SP4: variants seen among roughly 807,000 people sequenced by gnomAD.
The protein encoded by SP4 is Sp4 transcription factor.
In SP4, 19 loss-of-function variants were observed where a neutral mutation model predicts 72.8. That is an observed-to-expected ratio of 0.26 (90% CI 0.18 to 0.38). The LOEUF (loss-of-function observed/expected upper bound fraction) is 0.38, where lower values mean the gene tolerates loss of function less well. Among genes scored for constraint, SP4 ranks in the 10% least tolerant of loss-of-function variants. SP4 has a pLI of 1.00. For missense variants in SP4, 1,008 were observed against 926.3 expected (o/e 1.09, Z -1.14); for synonymous variants, 395 against 333.1 (o/e 1.19, Z -2.02).
intron 3 of SP4, among the ~76,000 whole-genome samples, chr7:21,456,518 C>T (rs1783769304): frequency 1.3e-5 from 2 of 152,184 alleles, no homozygotes; most frequent in Admixed American, 1.3e-4. Context: ...GCCAAGCACA[C>T]AGCAAGAGCT....
At chr7:21,496,403 C>T (rs945409653) in intron 5 of SP4, among the ~76,000 whole-genome samples, 3 of 152,166 alleles carry the variant, frequency 2.0e-5, no homozygotes, top group Non-Finnish European at 4.4e-5. Context: ...CAGGCAAACA[C>T]TTCTGTTAAC....
At chr7:21,468,429 C>A (rs763042372) in intron 3 of SP4, among the ~76,000 whole-genome samples, 13 of 151,910 alleles carry the variant, frequency 8.6e-5, no homozygotes, top group Non-Finnish European at 1.6e-4. Flanking sequence ...TGTTTTATAT[C>A]CTTTATTAAA....
At chr7:21,504,963 A>C (rs1177681858) in intron 5 of SP4, among the ~76,000 whole-genome samples, 1 of 152,200 alleles carries the variant, frequency 6.6e-6, no homozygotes, top group Non-Finnish European at 1.5e-5. Flanking sequence ...AGGGTGATCC[A>C]CTGTTACCAA....
intron 3 of SP4, among the ~76,000 whole-genome samples, chr7:21,434,708 G>A (rs953985404): frequency 3.3e-5 from 5 of 152,164 alleles, no homozygotes; most frequent in African/African-American, 7.2e-5. Flanking sequence ...ACCCATCACC[G>A]AAATAGTGAA....
At chr7:21,447,398 G>A (rs1041257572) in intron 3 of SP4, among the ~76,000 whole-genome samples, 2 of 152,110 alleles carry the variant, frequency 1.3e-5, no homozygotes, top group African/African-American at 4.8e-5. Context: ...TTGGACTTCT[G>A]GTTAGTGTGC....
intron 5 of SP4, among the ~76,000 whole-genome samples, chr7:21,505,607 T>A (rs898471330): frequency 6.6e-6 from 1 of 152,212 alleles, no homozygotes; most frequent in Non-Finnish European, 1.5e-5. Context: ...CTAGGGGACA[T>A]GCCCAGAATG....
chr7:21,476,973 A>G (rs1784517312), intron 3 of SP4, 106 bp from the exon 4 acceptor site: 1 of 762,250 alleles, frequency 1.3e-6, no homozygotes. Flanking sequence ...TTTGTACTTT[A>G]CACAGATTGT....
In SP4 at chr7:21,481,928, A is replaced by G. The variant is rs1583431364; in HGVS notation, c.1912A>G (p.Ser638Gly). ...PNCREGEGRGSNEPGKKKQHI... is the reference protein window; with the variant it reads ...PNCREGEGRGGNEPGKKKQHI... ...TTCGGTTTTTGTTTTTGCTAGAGGC[A>G]GTAATGAACCAGGAAAAAAGAAGCA... Residue 638 changes from serine (S) to glycine (G), a missense_variant, in exon 5 of 6, where the codon AGT becomes GGT. This residue lies in a region of SP4 where 893 missense variants were observed against 743.3 expected (regional missense o/e 1.20). Transcript: ENST00000222584. The G allele has an allele frequency of 6.2e-7, 1 of 1,613,238 alleles. No homozygotes were observed. The highest frequency in any genetic ancestry group is 8.5e-7 in the Non-Finnish European group (1 of 1,179,210).
rs1472803409 is a variant in SP4, at chr7:21,512,102, T to G, written c.*833T>G. On this transcript the variant is annotated 3_prime_UTR_variant, in exon 6 of 6. Coordinates refer to ENST00000222584, the MANE Select transcript of SP4 (RefSeq NM_003112.5). ...ATTGATTATATTCCTAACCCTAGGT[T>G]GAACCACAAAATTTCATTTAAAATG... is the stretch of plus-strand genomic sequence containing the variant. The G allele has an allele frequency of 6.6e-6, 1 of 152,628 alleles. No individual in the cohort carries two copies. The highest frequency in any genetic ancestry group is 2.4e-5 in the African/African-American group (1 of 41,456). The allele number at this position is 152,628 out of a possible 1,614,324, so 9.5% of individuals were successfully genotyped here.
chr7:21,464,321 C>A (rs1349860089), intron 3 of SP4, among the ~76,000 whole-genome samples: 1 of 151,920 alleles, frequency 6.6e-6, no homozygotes, highest in South Asian at 2.1e-4. Flanking sequence ...TGGTCTCGAT[C>A]TCCTGACCTC....
At position 21,512,703 on chromosome 7, in the gene SP4, C is replaced by T. The variant is rs1334838383; in HGVS notation, c.*1434C>T. ...TAGCCTCCTGAGTAGCTGGGATTAACAGGCGCCTGCCACCATGCCTGGCTA... is the reference window on the plus strand; with the variant it reads ...TAGCCTCCTGAGTAGCTGGGATTAATAGGCGCCTGCCACCATGCCTGGCTA... On this transcript the variant is annotated 3_prime_UTR_variant, in exon 6 of 6. Coordinates refer to ENST00000222584, the MANE Select transcript of SP4 (RefSeq NM_003112.5). 1.3e-5 allele frequency: 2 copies of T among 151,916 alleles called. No homozygotes were observed. Among genetic ancestry groups the T allele is most frequent in the Admixed American group, 1.3e-4 (2 of 15,206 alleles). The allele number at this position is 151,916 out of a possible 1,614,324, so 9.4% of individuals were successfully genotyped here.
intron 5 of SP4, among the ~76,000 whole-genome samples, chr7:21,508,568 C>A (rs1782067057): frequency 6.6e-6 from 1 of 152,084 alleles, no homozygotes; most frequent in African/African-American, 2.4e-5. Context: ...ACCTCAGGGT[C>A]CACCCACCTC....
intron 5 of SP4, among the ~76,000 whole-genome samples, chr7:21,503,602 G>A (rs929877134): frequency 6.6e-6 from 1 of 152,180 alleles, no homozygotes; most frequent in Non-Finnish European, 1.5e-5. Context: ...CCAAAGCTAG[G>A]TGAATCTGTT....
intron 3 of SP4, among the ~76,000 whole-genome samples, chr7:21,462,285 G>A (rs370295798): frequency 6.6e-6 from 1 of 152,002 alleles, no homozygotes; most frequent in East Asian, 1.9e-4. Context: ...AGCCAGTTTC[G>A]GGACCATAGT....
intron 5 of SP4, among the ~76,000 whole-genome samples, chr7:21,485,390 A>G (rs1784786408): frequency 2.0e-5 from 3 of 151,996 alleles, no homozygotes; most frequent in Admixed American, 1.3e-4. Context: ...TAAAAATGAA[A>G]TCACAGAAAA....
chr7:21,447,573 T>G (rs1466186283), intron 3 of SP4, among the ~76,000 whole-genome samples: 1 of 152,372 alleles, frequency 6.6e-6, no homozygotes, highest in South Asian at 2.1e-4. Flanking sequence ...AACTATTTGC[T>G]GGAGCTGTTG....
chr7:21,444,758 A>G (rs1783370233), intron 3 of SP4, among the ~76,000 whole-genome samples: 1 of 152,186 alleles, frequency 6.6e-6, no homozygotes, highest in Admixed American at 6.5e-5. Flanking sequence ...ATCAGAGGTT[A>G]ATTTACTTGG....
intron 3 of SP4, among the ~76,000 whole-genome samples, chr7:21,436,637 G>C (rs574465503): frequency 6.6e-6 from 1 of 152,276 alleles, no homozygotes; most frequent in Admixed American, 6.5e-5. Flanking sequence ...ACACATATAT[G>C]TGCTCTTCTG....
chr7:21,505,154 A>G (rs965558775), intron 5 of SP4, among the ~76,000 whole-genome samples: 1 of 152,194 alleles, frequency 6.6e-6, no homozygotes, highest in Non-Finnish European at 1.5e-5. Context: ...TCCATAACCT[A>G]TAGTAGCCAG....
Sources: gnomAD v4.1 joint callset for allele counts (sites outside exome capture counted in the v4.1 genomes callset) on GRCh38, gnomAD v4.1.1 for gene constraint, gnomAD v4.1.1 regional missense constraint, MANE v1.5 for transcripts, NCBI Gene and HGNC (gene_info 2026-07-23, HGNC 2026-07-21) for gene names.